DRC10: variants seen among roughly 807,000 people sequenced by gnomAD.
DRC10 encodes IQ domain-containing protein D.
the DRC10 span, chr12:113,208,425 G>A: frequency 8.5e-7 from 1 of 1,176,026 alleles, no homozygotes; most frequent in Non-Finnish European, 1.1e-6. Context: ...GAGGGTGTTA[G>A]GGCCACAAGG....
the DRC10 span, chr12:113,208,205 G>A: frequency 1.3e-6 from 2 of 1,567,438 alleles, no homozygotes; most frequent in East Asian, 2.2e-5. Flanking sequence ...GGTCCACAGA[G>A]ATGGAGACTT....
chr12:113,197,190 C>CT, the DRC10 span, among the ~76,000 whole-genome samples: 431 of 119,926 alleles, frequency 3.6e-3, no homozygotes, highest in East Asian at 7.8e-3. Context: ...TAGCCAGTCG[C>CT]TTTTTTTTTT....
the DRC10 span, among the ~76,000 whole-genome samples, chr12:113,214,977 A>C: frequency 6.6e-6 from 1 of 152,030 alleles, no homozygotes; most frequent in African/African-American, 2.4e-5. Flanking sequence ...GACAGTTGGG[A>C]CCCTGTTTGT....
At chr12:113,214,330 G>A in the DRC10 span, among the ~76,000 whole-genome samples, 4 of 151,788 alleles carry the variant, frequency 2.6e-5, no homozygotes, top group Non-Finnish European at 5.9e-5. Context: ...GCAATATGGC[G>A]AAACATCTCT....
the DRC10 span, among the ~76,000 whole-genome samples, chr12:113,205,746 G>T: frequency 2.7e-5 from 4 of 146,800 alleles, no homozygotes; most frequent in African/African-American, 1.0e-4. Context: ...AAAATTAGCC[G>T]GGCGCGGTGG....
At chr12:113,207,639 T>A in the DRC10 span, 1 of 1,614,160 alleles carries the variant, frequency 6.2e-7, no homozygotes, top group Non-Finnish European at 8.5e-7. Context: ...CTTCTGCACT[T>A]CTACCCTGTG....
At chr12:113,218,292 A>G in the DRC10 span, among the ~76,000 whole-genome samples, 1 of 150,822 alleles carries the variant, frequency 6.6e-6, no homozygotes, top group Non-Finnish European at 1.5e-5. Flanking sequence ...ATGCGCCACC[A>G]CGCGCAGCTA....
chr12:113,206,561 G>A, the DRC10 span, among the ~76,000 whole-genome samples: 1 of 152,150 alleles, frequency 6.6e-6, no homozygotes, highest in Admixed American at 6.5e-5. Context: ...GTTCATGTGT[G>A]CTCTTGTGGC....
At chr12:113,217,291 C>T in the DRC10 span, among the ~76,000 whole-genome samples, 1 of 152,136 alleles carries the variant, frequency 6.6e-6, no homozygotes, top group Admixed American at 6.5e-5. Context: ...GAAACTCTCT[C>T]ACCTTTCCTG....
chr12:113,197,712 G>T, the DRC10 span: 1 of 750,710 alleles, frequency 1.3e-6, no homozygotes, highest in South Asian at 1.5e-5. Context: ...TGCTTGACAT[G>T]CCTCGCCTAT....
At chr12:113,200,577 C>T in the DRC10 span, 6 of 1,509,562 alleles carry the variant, frequency 4.0e-6, no homozygotes, top group East Asian at 2.8e-5. Flanking sequence ...CTTCCCGGGG[C>T]ACCTTCCTCA....
At chr12:113,200,835 C>G in the DRC10 span, 1 of 1,498,274 alleles carries the variant, frequency 6.7e-7, no homozygotes, top group South Asian at 1.2e-5. Context: ...AGAGAAAGGG[C>G]TCCGTTAATA....
chr12:113,195,476 A>G, the DRC10 span: 1 of 1,443,890 alleles, frequency 6.9e-7, no homozygotes, highest in Non-Finnish European at 9.2e-7. Flanking sequence ...AATTTATTAA[A>G]TAAAAACATG....
the DRC10 span, among the ~76,000 whole-genome samples, chr12:113,204,292 G>C: frequency 6.6e-6 from 1 of 152,228 alleles, no homozygotes; most frequent in Non-Finnish European, 1.5e-5. Context: ...GGCCCTGTGT[G>C]ATCTGTCTCC....
chr12:113,211,428 A>G, the DRC10 span, among the ~76,000 whole-genome samples: 1 of 152,312 alleles, frequency 6.6e-6, no homozygotes, highest in East Asian at 1.9e-4. Flanking sequence ...GGCAGGCCAG[A>G]TCAGGTGCTA....
chr12:113,200,744 TCTC>T, the DRC10 span: 11 of 1,536,106 alleles, frequency 7.2e-6, no homozygotes, highest in East Asian at 2.4e-4. Flanking sequence ...ACGAGGCTGT[TCTC>T]TGAGAACTTG....
chr12:113,195,602 G>C, the DRC10 span: 1 of 1,605,472 alleles, frequency 6.2e-7, no homozygotes, highest in Non-Finnish European at 8.5e-7. Flanking sequence ...CCTTCTCCTT[G>C]CCTTTCTGCT....
At chr12:113,195,649 GCTT>G in the DRC10 span, 464 of 1,612,998 alleles carry the variant, frequency 2.9e-4, 3 homozygotes, top group African/African-American at 5.4e-3. Context: ...CCCTTGCCCC[GCTT>G]CTTCTTGGAT....
chr12:113,213,517 C>G, the DRC10 span, among the ~76,000 whole-genome samples: 1 of 152,176 alleles, frequency 6.6e-6, no homozygotes, highest in African/African-American at 2.4e-5. Context: ...TGCAACAACC[C>G]TATGAGGTAG....
Sources: allele counts gnomAD v4.1 joint callset (sites outside exome capture counted in the v4.1 genomes callset), GRCh38; gene constraint gnomAD v4.1.1; transcripts MANE v1.5; gene names NCBI Gene and HGNC (gene_info 2026-07-23, HGNC 2026-07-21).